The following TANC1 variants were observed in gnomAD, a reference collection of about 807,000 sequenced individuals.
TANC1 encodes protein TANC1.
In TANC1, 77 loss-of-function variants were observed where a neutral mutation model predicts 149.7. The observed-to-expected ratio is 0.51, with a 90% CI of 0.43 to 0.62. TANC1 has a LOEUF of 0.62. Ranked by LOEUF, TANC1 falls within the 20% of genes least tolerant of loss-of-function variation. TANC1 has a pLI of 0.00. For synonymous variants in TANC1, 854 were observed against 925.0 expected, an observed-to-expected ratio of 0.92 and a Z score of 1.39; for missense variants, 1,985 against 2,321.8, an observed-to-expected ratio of 0.85 and a Z score of 2.98.
At chr2:159,090,401 C>A (rs56234202) in intron 3 of TANC1, among the ~76,000 whole-genome samples, 36,856 of 152,184 alleles carry the variant, frequency 0.24, 5,872 homozygotes, top group Non-Finnish European at 0.37. Flanking sequence ...CTTCTTGCTT[C>A]TGTGGCTCTC....
chr2:159,012,350 C>A (rs558224767), intron 2 of TANC1, among the ~76,000 whole-genome samples: 3 of 152,234 alleles, frequency 2.0e-5, no homozygotes, highest in East Asian at 3.9e-4. Context: ...CTAAGAAAGT[C>A]CCTGTACATG....
rs77191163 is a variant in TANC1, at chr2:158,984,349, G to C, written c.-126+15567G>C. Among the ~76,000 whole-genome samples, 4,510 of 152,270 alleles carry C rather than the reference G, an allele frequency of 0.03. 423 individuals carry two copies. In the East Asian group the frequency reaches 0.37, roughly 12 times the overall value. On this transcript the variant is annotated intron_variant, in intron 1 of 26. Coordinates refer to ENST00000263635, the MANE Select transcript of TANC1 (RefSeq NM_033394.3). The stretch of plus-strand genomic sequence containing the variant: ...ACAGTGATTGAGACCTAAGCCAGTG[G>C]AAAATGTAAAGAGACTTTACCTTCT...
At chr2:159,183,492 G>T (rs72951491) in intron 14 of TANC1, among the ~76,000 whole-genome samples, 15,693 of 152,172 alleles carry the variant, frequency 0.1, 1,053 homozygotes, top group South Asian at 0.17. Context: ...AGGGTTTCAG[G>T]GAGGGACCTT....
At chr2:159,218,262 C>A (rs2059473596) in intron 20 of TANC1, among the ~76,000 whole-genome samples, 1 of 152,176 alleles carries the variant, frequency 6.6e-6, no homozygotes, top group South Asian at 2.1e-4. Context: ...ATTTTCTAGA[C>A]CAAAGTTTTG....
chr2:159,227,841 C>T lies in TANC1; in HGVS notation c.3926C>T (p.Ala1309Val). ...TAGAAAGGGAAAATGAAAGAGGCAGCCCAGAGGTACCAGTATGCCTTAAGA... is the reference window on the plus strand; with the variant it reads ...TAGAAAGGGAAAATGAAAGAGGCAGTCCAGAGGTACCAGTATGCCTTAAGA... ...MYKKGKMKEA[A>V]QRYQYALRKF... is the part of the protein sequence containing the mutation. The change falls in exon 25 of 27, where the codon GCC becomes GTC. Residue 1309 changes from alanine to valine, a missense_variant. Ala to Val is a moderately conservative substitution (Grantham distance 64, BLOSUM62 0). This residue lies in a region of TANC1 where 920 missense variants were observed against 994.7 expected (regional missense o/e 0.92). Transcript: ENST00000263635. The T allele has an allele frequency of 1.2e-6, 2 of 1,614,036 alleles. 1 individual carries two copies. The highest frequency in any genetic ancestry group is 2.7e-5 in the African/African-American group (2 of 75,038).
At chr2:159,190,354 C>A (rs559404282) in intron 16 of TANC1, among the ~76,000 whole-genome samples, 1 of 152,140 alleles carries the variant, frequency 6.6e-6, no homozygotes, top group Non-Finnish European at 1.5e-5. Flanking sequence ...TCCTGCCCAT[C>A]CTGTGGCTAG....
At chr2:159,157,478 T>A (rs72951462) in intron 7 of TANC1, among the ~76,000 whole-genome samples, 5,070 of 152,176 alleles carry the variant, frequency 0.033, 100 homozygotes, top group Non-Finnish European at 0.046. Context: ...CTGCTGGGTG[T>A]GAGGTGTGGG....
intron 2 of TANC1, among the ~76,000 whole-genome samples, chr2:159,012,663 G>A (rs1161038823): frequency 6.6e-6 from 1 of 152,104 alleles, no homozygotes; most frequent in East Asian, 1.9e-4. Context: ...ATTTAACAAG[G>A]AGTAAAACAA....
chr2:159,037,807 C>A (rs938226271), intron 2 of TANC1, among the ~76,000 whole-genome samples: 1 of 152,144 alleles, frequency 6.6e-6, no homozygotes, highest in Admixed American at 6.5e-5. Context: ...CAGCTTTGTT[C>A]TTTTTGCTTA....
chr2:159,224,321 C>T lies in TANC1; in HGVS notation c.3768C>T (p.Asn1256=). 1 of 1,614,178 alleles carries T rather than the reference C, an allele frequency of 6.2e-7. No individual in the cohort carries two copies. The highest frequency in any genetic ancestry group is 8.5e-7 in the Non-Finnish European group (1 of 1,180,042). ...RPLDRAIGCR[N]TSVVVALLRK... is the part of the protein sequence containing the mutation. The stretch of plus-strand genomic sequence containing the variant: ...TGGACAGAGCCATCGGCTGCCGGAA[C>T]ACATCTGTAGTGGTGGCGCTACTCA... Residue 1256 remains asparagine, a synonymous_variant, in exon 23 of 27, where the codon AAC becomes AAT. Transcript: ENST00000263635.
chr2:159,095,720 A>G (rs1438045359), intron 3 of TANC1, among the ~76,000 whole-genome samples: 1 of 132,858 alleles, frequency 7.5e-6, no homozygotes, highest in Non-Finnish European at 1.6e-5. Flanking sequence ...TGGGCAACAC[A>G]GCAAGACTGT....
chr2:159,193,103 A>G (rs993519049), intron 16 of TANC1, among the ~76,000 whole-genome samples: 1 of 151,898 alleles, frequency 6.6e-6, no homozygotes, highest in Admixed American at 6.6e-5. Context: ...CAGAATCAAA[A>G]CTCTATATCC....
chr2:158,992,887 G>T (rs529199456), intron 1 of TANC1, among the ~76,000 whole-genome samples: 1 of 152,142 alleles, frequency 6.6e-6, no homozygotes, highest in South Asian at 2.1e-4. Context: ...TTAAATAGCT[G>T]CTGTTTTGTG....
rs3214491 is a variant in TANC1, at chr2:159,219,375, G to GC, written c.3502+17dup. Reference sequence around the variant, plus strand: ...TCCTTTCAAAAGGTAGCAGCGTGATGCCCTCAAAGGTTTCTTTTGGACGGA... The same window carrying GC: ...TCCTTTCAAAAGGTAGCAGCGTGATGCCCCTCAAAGGTTTCTTTTGGACGGA... On this transcript the variant is annotated intron_variant, in intron 21 of 26. Coordinates refer to ENST00000263635, the MANE Select transcript of TANC1 (RefSeq NM_033394.3). The GC allele has an allele frequency of 0.48, 771,447 of 1,613,742 alleles. 198,617 individuals carry two copies. Among genetic ancestry groups the GC allele is most frequent in the Non-Finnish European group, 0.55 (645,211 of 1,179,730 alleles).
At chr2:159,228,366 C>T (rs939617506) in intron 25 of TANC1, 11 of 253,468 alleles carry the variant, frequency 4.3e-5, no homozygotes, top group African/African-American at 1.3e-4. Context: ...AATTTGTAAC[C>T]GGTCGTGGGG....
intron 7 of TANC1, among the ~76,000 whole-genome samples, chr2:159,151,929 A>C (rs1380887578): frequency 6.6e-6 from 1 of 152,236 alleles, no homozygotes; most frequent in African/African-American, 2.4e-5. Context: ...TGTCACCACT[A>C]TCTGATTTTA....
chr2:159,153,822 G>A (rs1444110091), intron 7 of TANC1, among the ~76,000 whole-genome samples: 1 of 152,202 alleles, frequency 6.6e-6, no homozygotes, highest in African/African-American at 2.4e-5. Context: ...GAGCATGCCT[G>A]TTTTTATAAG....
chr2:159,111,325 G>A (rs74436374), intron 4 of TANC1, among the ~76,000 whole-genome samples: 2 of 152,132 alleles, frequency 1.3e-5, no homozygotes, highest in African/African-American at 4.8e-5. Context: ...TTGAAACTGA[G>A]CACATAGCTA....
intron 19 of TANC1, among the ~76,000 whole-genome samples, chr2:159,207,099 T>C (rs1005346427): frequency 6.6e-6 from 1 of 152,204 alleles, no homozygotes; most frequent in Non-Finnish European, 1.5e-5. Flanking sequence ...GAGACTTACT[T>C]GAAATGATGC....
Sources: allele counts gnomAD v4.1 joint callset (sites outside exome capture counted in the v4.1 genomes callset), GRCh38; gene constraint gnomAD v4.1.1; regional missense constraint gnomAD v4.1.1; transcripts MANE v1.5; gene names NCBI Gene and HGNC (gene_info 2026-07-23, HGNC 2026-07-21).